NDUFAF6: variants seen among roughly 807,000 people sequenced by gnomAD.
The protein encoded by NDUFAF6 is NADH:ubiquinone oxidoreductase complex assembly factor 6.
Under a neutral mutation model 40.8 loss-of-function variants are expected in NDUFAF6, and 45 were observed. The observed-to-expected ratio is 1.10, with a 90% confidence interval of 0.87 to 1.42. NDUFAF6 has a LOEUF of 1.42. Among genes scored for constraint, NDUFAF6 ranks in the 40% most tolerant of loss-of-function variants. NDUFAF6 has a pLI of 0.00. For synonymous variants in NDUFAF6, 185 were observed against 155.9 expected (o/e 1.19, Z -1.39); for missense variants, 435 against 418.5 (o/e 1.04, Z -0.34).
chr8:94,980,442 G>GTTTTTTTTTTTT (rs869184585), intron 1 of NDUFAF6, among the ~76,000 whole-genome samples: 2 of 107,926 alleles, frequency 1.9e-5, no homozygotes, highest in African/African-American at 3.6e-5. Context: ...TGGTTTTTTT[G>GTTTTTTTTTTTT]TTTTTTTTTT....
intron 2 of NDUFAF6, among the ~76,000 whole-genome samples, chr8:95,082,205 G>A (rs932539084): frequency 1.2e-4 from 19 of 152,068 alleles, no homozygotes; most frequent in African/African-American, 3.4e-4. Flanking sequence ...GGCTGGGTGC[G>A]GTGGCTTATG....
At position 94,997,339 on chromosome 8, in the gene NDUFAF6, C is replaced by CAGAG. The variant is rs1202029928; in HGVS notation, c.-84+16367_-84+16368insGAGA. 3.2e-3 allele frequency among the ~76,000 whole-genome samples: 397 copies of CAGAG among 124,222 alleles called. 2 individuals are homozygous for CAGAG. Among genetic ancestry groups the CAGAG allele is most frequent in the African/African-American group, 0.012 (360 of 29,882 alleles). 81.5% of individuals were successfully genotyped at this position (124,222 alleles called of 152,430 possible). ...ACACACACACACACACACACACACA[C>CAGAG]ACACAGAGAGAGAGAGAGAGAGAGA... is the stretch of plus-strand genomic sequence containing the variant. On this transcript the variant is annotated intron_variant, in intron 2 of 9. Coordinates refer to the NDUFAF6 transcript ENST00000396111.
intron 5 of NDUFAF6, 145 bp from the exon 6 acceptor site, chr8:95,046,849 G>A: frequency 9.4e-7 from 1 of 1,062,042 alleles, no homozygotes; most frequent in Non-Finnish European, 1.4e-6. Context: ...ATTGTGCCCA[G>A]TTTTTCACTC....
At chr8:94,976,576 A>C (rs1015668315) in intron 1 of NDUFAF6, among the ~76,000 whole-genome samples, 2 of 150,336 alleles carry the variant, frequency 1.3e-5, no homozygotes, top group African/African-American at 2.5e-5. Flanking sequence ...TGGGAGGCTG[A>C]GACAGGAGAA....
chr8:95,088,689 T>G (rs7008778), intron 2 of NDUFAF6, among the ~76,000 whole-genome samples: 28 of 142,378 alleles, frequency 2.0e-4, no homozygotes, highest in Middle Eastern at 3.7e-3. Flanking sequence ...TTTTGGGGTT[T>G]TGTGTGTGTG....
Position 95,048,473 on chromosome 8 carries a change from A to C in NDUFAF6, c.731A>C (p.Glu244Ala). The change falls in exon 7 of 9, where the codon GAG becomes GCG. Residue 244 changes from glutamate (E) to alanine (A), a missense_variant. Physicochemically the swap from Glu to Ala is moderately radical, Grantham distance 107. Coordinates refer to ENST00000396124, the MANE Select transcript of NDUFAF6 (RefSeq NM_152416.4). ...CCCACACAGCATGGTGTTTCACAAG[A>C]GGACTTTCTACGGAGGAACCAAGAT... ...DICMLHGVSQ[E>A]DFLRRNQDKN... 5.0e-6 allele frequency: 8 copies of C among 1,613,734 alleles called. No individual in the cohort carries two copies. Among genetic ancestry groups the C allele is most frequent in the Non-Finnish European group, 6.8e-6 (8 of 1,179,650 alleles).
intron 1 of NDUFAF6, among the ~76,000 whole-genome samples, chr8:94,907,292 G>A (rs567676563): frequency 1.4e-4 from 22 of 152,202 alleles, no homozygotes; most frequent in Non-Finnish European, 3.1e-4. Flanking sequence ...CAGGTAGCAA[G>A]GACCTTGCAC....
chr8:95,033,153 C>T (rs1829053589), intron 2 of NDUFAF6, among the ~76,000 whole-genome samples: 1 of 152,112 alleles, frequency 6.6e-6, no homozygotes, highest in Non-Finnish European at 1.5e-5. Flanking sequence ...AGCAATCCTC[C>T]CACCTCAGCC....
intron 1 of NDUFAF6, among the ~76,000 whole-genome samples, chr8:94,934,521 G>A (rs989039458): frequency 1.6e-4 from 24 of 151,788 alleles, no homozygotes; most frequent in African/African-American, 5.6e-4. Context: ...TAGTAGCTGG[G>A]AGTACAGGCG....
intron 1 of NDUFAF6, among the ~76,000 whole-genome samples, chr8:94,898,915 G>A (rs997518102): frequency 1.3e-5 from 2 of 151,994 alleles, no homozygotes; most frequent in African/African-American, 4.8e-5. Flanking sequence ...CGTTTTTATT[G>A]TCATGAGACT....
Position 94,958,865 on chromosome 8 carries a change from C to T in NDUFAF6, c.-199+686C>T, listed in dbSNP as rs550150034. Among the ~76,000 whole-genome samples the T allele has an allele frequency of 5.3e-5, 8 of 152,124 alleles. 1 individual carries two copies. The South Asian group carries it at 1.5e-3, about 28-fold the overall frequency. On this transcript the variant is annotated intron_variant, in intron 1 of 9. Transcript: ENST00000396111. ...ATTAGGGCTTCAACATATGAATTTG[C>T]GAGGCACACAATTCAGCCCATAACA... is the stretch of plus-strand genomic sequence containing the variant.
chr8:94,959,692 G>A (rs2011567), intron 1 of NDUFAF6, among the ~76,000 whole-genome samples: 76,494 of 151,400 alleles, frequency 0.51, 19,687 homozygotes, highest in East Asian at 0.72. Flanking sequence ...CACCATGCCA[G>A]GCTGTTATTT....
chr8:95,025,117 C>T lies in NDUFAF6; in HGVS notation c.109C>T (p.Pro37Ser), dbSNP rs1382747676. ...LGLYARMRRL[P>S]GPEVSGRSVA... Reference sequence around the variant, plus strand: ...TCTGTACGCGCGCATGCGGCGGCTGCCCGGGCCGGAGGTGTCTGGGCGGAG... The same window carrying T: ...TCTGTACGCGCGCATGCGGCGGCTGTCCGGGCCGGAGGTGTCTGGGCGGAG... Residue 37 changes from proline (P) to serine (S), a missense_variant, in exon 1 of 9, where the codon CCC becomes TCC. By Grantham distance (74) the Pro-to-Ser change is moderately conservative (BLOSUM62 -1). Coordinates refer to ENST00000396124, the MANE Select transcript of NDUFAF6 (RefSeq NM_152416.4). The T allele has an allele frequency of 6.8e-7, 1 of 1,478,674 alleles. No individual in the cohort carries two copies. Among genetic ancestry groups the T allele is most frequent in the South Asian group, 1.3e-5 (1 of 77,282 alleles). 91.6% of individuals were successfully genotyped at this position (1,478,674 alleles called of 1,614,324 possible). A position where few individuals can be genotyped will look rare whatever the true frequency, so the allele number is the denominator to read the frequency against.
chr8:94,987,411 A>G (rs929530915), intron 2 of NDUFAF6, among the ~76,000 whole-genome samples: 1 of 152,200 alleles, frequency 6.6e-6, no homozygotes, highest in Non-Finnish European at 1.5e-5. Context: ...TTAATGGAAT[A>G]AACACTCTTC....
At chr8:95,066,833 T>C (rs1383107274) in intron 9 of NDUFAF6, 1 of 152,210 alleles carries the variant, frequency 6.6e-6, no homozygotes, top group Non-Finnish European at 1.5e-5. Flanking sequence ...ATTTTGTTTT[T>C]ATTCTCTTGG....
At position 94,944,585 on chromosome 8, in the gene NDUFAF6, C is replaced by T. The variant is rs959899495; in HGVS notation, c.-935-898C>T. Among the ~76,000 whole-genome samples, 7 of 152,298 alleles carry T rather than the reference C, an allele frequency of 4.6e-5. No homozygotes were observed. The South Asian group carries it at 6.2e-4, about 14-fold the overall frequency. Reference sequence around the variant, plus strand: ...CTCTGCAAGGACAACCAACCTTGGGCGACAGAGTGCTCAGAAGCCCAGCCA... The same window carrying T: ...CTCTGCAAGGACAACCAACCTTGGGTGACAGAGTGCTCAGAAGCCCAGCCA... On this transcript the variant is annotated intron_variant, in intron 1 of 14. Transcript: ENST00000396113.
At chr8:95,054,409 G>T (rs920997795) in intron 8 of NDUFAF6, among the ~76,000 whole-genome samples, 4 of 150,476 alleles carry the variant, frequency 2.7e-5, no homozygotes, top group African/African-American at 4.9e-5. Flanking sequence ...AGAAACTCGG[G>T]GGGTGGGGCC....
At chr8:95,022,098 G>A (rs1175415139), upstream of NDUFAF6, among the ~76,000 whole-genome samples, 1 of 151,592 alleles carries the variant, frequency 6.6e-6, no homozygotes, top group African/African-American at 2.4e-5. Context: ...ATTGAATAAG[G>A]GCATAGTTAA....
downstream of NDUFAF6, among the ~76,000 whole-genome samples, chr8:95,076,730 A>T (rs1808635366): frequency 6.6e-6 from 1 of 151,922 alleles, no homozygotes; most frequent in Non-Finnish European, 1.5e-5. Flanking sequence ...AAAATTAGCC[A>T]TGTGTGATGG....
Sources: gnomAD v4.1 joint callset for allele counts (sites outside exome capture counted in the v4.1 genomes callset) on GRCh38, gnomAD v4.1.1 for gene constraint, MANE v1.5 for transcripts, NCBI Gene and HGNC (gene_info 2026-07-23, HGNC 2026-07-21) for gene names.